Variants in DPP10 observed in about 807,000 individuals in gnomAD.
The protein encoded by DPP10 is dipeptidyl peptidase like 10.
DPP10 carries 33 observed loss-of-function variants against 120.9 expected under a neutral mutation model. That is an observed-to-expected ratio of 0.27 (90% CI 0.21 to 0.37). The LOEUF is 0.37. Ranked by LOEUF, DPP10 falls within the 10% of genes least tolerant of loss-of-function variation. The pLI is 1.00. For missense variants in DPP10, 816 were observed against 942.8 expected, an observed-to-expected ratio of 0.87 and a Z score of 1.76; for synonymous variants, 337 against 326.1, an observed-to-expected ratio of 1.03 and a Z score of -0.36.
chr2:114,989,789 A>G (rs1196448881), intron 1 of DPP10, among the ~76,000 whole-genome samples: 1 of 152,246 alleles, frequency 6.6e-6, no homozygotes, highest in Admixed American at 6.5e-5. Context: ...AGACGTCTAT[A>G]TGCAATTGAT....
chr2:115,402,937 A>G (rs1435764437), intron 3 of DPP10, among the ~76,000 whole-genome samples: 5 of 138,180 alleles, frequency 3.6e-5, no homozygotes, highest in African/African-American at 1.1e-4. Flanking sequence ...ATGTATATAT[A>G]TATGTGTGTG....
intron 1 of DPP10, among the ~76,000 whole-genome samples, chr2:114,759,785 A>G (rs898392327): frequency 8.3e-6 from 1 of 120,420 alleles, no homozygotes; most frequent in Admixed American, 1.1e-4. Flanking sequence ...AGCCTGGAAA[A>G]TTGCCAGGAA....
intron 1 of DPP10, among the ~76,000 whole-genome samples, chr2:114,634,709 T>C (rs563441464): frequency 6.6e-6 from 1 of 152,036 alleles, no homozygotes; most frequent in South Asian, 2.1e-4. Flanking sequence ...AGAGATAACT[T>C]AAGCAAATTA....
At chr2:115,187,305 G>T (rs2054536383) in intron 1 of DPP10, among the ~76,000 whole-genome samples, 1 of 151,710 alleles carries the variant, frequency 6.6e-6, no homozygotes. Flanking sequence ...CAAAGTGCTG[G>T]GATTACAGGC....
At chr2:114,896,364 G>A (rs535206346) in intron 1 of DPP10, among the ~76,000 whole-genome samples, 69 of 152,258 alleles carry the variant, frequency 4.5e-4, no homozygotes, top group African/African-American at 1.6e-3. Flanking sequence ...TCTGACCCAC[G>A]AGCATGGAAT....
At chr2:114,472,586 C>A (rs956190143) in intron 1 of DPP10, among the ~76,000 whole-genome samples, 1 of 152,192 alleles carries the variant, frequency 6.6e-6, no homozygotes, top group Admixed American at 6.5e-5. Flanking sequence ...ATGCAGGCTG[C>A]GTCTCAGCCT....
At chr2:115,567,418 A>T (rs1435017377) in intron 5 of DPP10, among the ~76,000 whole-genome samples, 1 of 151,920 alleles carries the variant, frequency 6.6e-6, no homozygotes. Context: ...ATTATATTGT[A>T]TCTCCTTCTC....
Position 114,895,345 on chromosome 2 carries a change from C to A in DPP10, c.61-413894C>A, listed in dbSNP as rs192622811. ...TGGTGATCATTAGAGACTCACCAAACCCCTTCCTTCTCCTTGGGCACACAG... is the reference window on the plus strand; with the variant it reads ...TGGTGATCATTAGAGACTCACCAAAACCCTTCCTTCTCCTTGGGCACACAG... On this transcript the variant is annotated intron_variant, in intron 1 of 25. Transcript: ENST00000410059. 5.7e-3 allele frequency among the ~76,000 whole-genome samples: 870 copies of A among 152,328 alleles called. 10 individuals carry two copies. Among genetic ancestry groups the A allele is most frequent in the African/African-American group, 0.02 (842 of 41,584 alleles).
chr2:114,460,268 A>T (rs568433103), intron 1 of DPP10, among the ~76,000 whole-genome samples: 3 of 152,254 alleles, frequency 2.0e-5, no homozygotes, highest in Admixed American at 6.5e-5. Context: ...TTTTCTAAAA[A>T]AGTATTTTTG....
rs1285524966 is a variant in DPP10, at chr2:114,527,229, G to A, written c.60+84391G>A. Among the ~76,000 whole-genome samples the A allele has an allele frequency of 3.9e-5, 6 of 152,134 alleles. No homozygotes were observed. The South Asian group carries it at 6.2e-4, about 16-fold the overall frequency. The stretch of plus-strand genomic sequence containing the variant: ...GTTAAATGTGGGGTCACTAAATCCT[G>A]CATACACTTCTTTTCAACCAGGTAT... On this transcript the variant is annotated intron_variant, in intron 1 of 25. Coordinates refer to ENST00000410059, the MANE Select transcript of DPP10 (RefSeq NM_020868.6).
chr2:114,936,895 A>T (rs1223671511), intron 1 of DPP10, among the ~76,000 whole-genome samples: 1 of 152,074 alleles, frequency 6.6e-6, no homozygotes, highest in Non-Finnish European at 1.5e-5. Context: ...ATCTTCTTTA[A>T]AGAATTGTCT....
chr2:115,086,264 G>C (rs1459145662), intron 1 of DPP10, among the ~76,000 whole-genome samples: 1 of 152,050 alleles, frequency 6.6e-6, no homozygotes, highest in Non-Finnish European at 1.5e-5. Flanking sequence ...GATTTCAAAA[G>C]AACTTTGGTC....
At chr2:114,925,459 G>T (rs914973787) in intron 1 of DPP10, among the ~76,000 whole-genome samples, 3 of 152,042 alleles carry the variant, frequency 2.0e-5, no homozygotes, top group Non-Finnish European at 4.4e-5. Context: ...GACATTTTTT[G>T]CATGTGTTCA....
intron 1 of DPP10, among the ~76,000 whole-genome samples, chr2:114,526,894 C>A (rs1214577195): frequency 2.0e-5 from 3 of 152,144 alleles, no homozygotes; most frequent in African/African-American, 7.2e-5. Context: ...GTATTTATGT[C>A]TCAGAGATGA....
intron 1 of DPP10, among the ~76,000 whole-genome samples, chr2:115,071,588 C>A (rs963106040): frequency 7.9e-5 from 12 of 152,144 alleles, no homozygotes; most frequent in African/African-American, 2.7e-4. Flanking sequence ...AGTTTCTGTT[C>A]CTTCCTTGCC....
intron 1 of DPP10, among the ~76,000 whole-genome samples, chr2:115,160,032 T>C (rs1414759308): frequency 4.6e-5 from 7 of 152,174 alleles, no homozygotes; most frequent in Admixed American, 4.6e-4. Flanking sequence ...AATGCGAACA[T>C]TTTCTGAATA....
At chr2:115,057,286 T>C (rs912915769) in intron 1 of DPP10, among the ~76,000 whole-genome samples, 5 of 152,148 alleles carry the variant, frequency 3.3e-5, no homozygotes, top group African/African-American at 1.2e-4. Flanking sequence ...GAGGTAGAAA[T>C]AGTAGAGTTT....
At chr2:114,574,364 G>A (rs942888948) in intron 1 of DPP10, among the ~76,000 whole-genome samples, 3 of 152,116 alleles carry the variant, frequency 2.0e-5, no homozygotes, top group African/African-American at 4.8e-5. Flanking sequence ...CCTGCACAGC[G>A]TCAGCGCCGC....
intron 1 of DPP10, among the ~76,000 whole-genome samples, chr2:114,630,661 A>G (rs560949367): frequency 5.3e-5 from 8 of 152,316 alleles, no homozygotes; most frequent in African/African-American, 1.7e-4. Context: ...AGGTTTACCA[A>G]TGAGATAGCC....
Sources: gnomAD v4.1 joint callset for allele counts (sites outside exome capture counted in the v4.1 genomes callset) on GRCh38, gnomAD v4.1.1 for gene constraint, MANE v1.5 for transcripts, NCBI Gene and HGNC (gene_info 2026-07-23, HGNC 2026-07-21) for gene names.